Variants in PHF20 observed in about 807,000 individuals in gnomAD.
PHF20 encodes glioma-expressed antigen 2.
In PHF20, 23 loss-of-function variants were observed where a neutral mutation model predicts 113.5. The ratio of observed to expected loss-of-function variants is 0.20; its 90% confidence interval spans 0.15 to 0.29. The LOEUF is 0.29. Among genes scored for constraint, PHF20 ranks in the 10% least tolerant of loss-of-function variants. PHF20 has a pLI of 1.00. For synonymous variants in PHF20, 434 were observed against 457.3 expected, an observed-to-expected ratio of 0.95 and a Z score of 0.65; for missense variants, 943 against 1,219.6, an observed-to-expected ratio of 0.77 and a Z score of 3.38.
intron 1 of PHF20, among the ~76,000 whole-genome samples, chr20:35,785,387 T>G (rs1569116327): frequency 1.3e-5 from 2 of 152,124 alleles, no homozygotes. Flanking sequence ...TGGCACAATC[T>G]TGGCTCACTG....
At position 35,828,950 on chromosome 20, in the gene PHF20, G is replaced by A. The variant is rs994118351; in HGVS notation, c.84-13623G>A. Among the ~76,000 whole-genome samples, 5 of 152,122 alleles carry A rather than the reference G, an allele frequency of 3.3e-5. No individual in the cohort carries two copies. The East Asian group carries it at 9.6e-4, about 29-fold the overall frequency. On this transcript the variant is annotated intron_variant, in intron 2 of 17. Transcript: ENST00000374012. Reference sequence around the variant, plus strand: ...ACAATAAACATTTATTATTCTCTAGGTGTCTATGGGCCAGGAATTCAGGAG... The same window carrying A: ...ACAATAAACATTTATTATTCTCTAGATGTCTATGGGCCAGGAATTCAGGAG...
intron 8 of PHF20, among the ~76,000 whole-genome samples, chr20:35,871,366 C>T (rs2054417825): frequency 6.6e-6 from 1 of 152,142 alleles, no homozygotes. Context: ...CAGTGTTGGC[C>T]TGGAGGTACA....
At chr20:35,872,630 TC>T (rs2054442905) in intron 9 of PHF20, among the ~76,000 whole-genome samples, 1 of 152,238 alleles carries the variant, frequency 6.6e-6, no homozygotes, top group East Asian at 1.9e-4. Flanking sequence ...ATTTAATATA[TC>T]TTGTGATTTA....
intron 2 of PHF20, among the ~76,000 whole-genome samples, chr20:35,813,911 G>T (rs1229692128): frequency 8.3e-6 from 1 of 120,768 alleles, no homozygotes; most frequent in Non-Finnish European, 1.6e-5. Flanking sequence ...CAGCCTGGGT[G>T]ACAGAGTGAG....
At chr20:35,773,489 T>A (rs1450503631) in intron 1 of PHF20, among the ~76,000 whole-genome samples, 3 of 152,168 alleles carry the variant, frequency 2.0e-5, no homozygotes, top group Non-Finnish European at 4.4e-5. Context: ...TGAGCACACT[T>A]CCCAGAGTCA....
At chr20:35,783,680 C>T (rs1247830216) in intron 1 of PHF20, among the ~76,000 whole-genome samples, 1 of 151,974 alleles carries the variant, frequency 6.6e-6, no homozygotes, top group African/African-American at 2.4e-5. Flanking sequence ...CCTGCCTCGG[C>T]CTTCCAAAGT....
intron 2 of PHF20, among the ~76,000 whole-genome samples, chr20:35,835,256 C>T (rs1218458185): frequency 6.6e-6 from 1 of 151,786 alleles, no homozygotes; most frequent in African/African-American, 2.4e-5. Flanking sequence ...GTCTGGGCGA[C>T]AGAGCGAGAT....
intron 9 of PHF20, among the ~76,000 whole-genome samples, chr20:35,880,637 C>T (rs1265013662): frequency 6.6e-6 from 1 of 151,966 alleles, no homozygotes; most frequent in Non-Finnish European, 1.5e-5. Context: ...AGCAATTTAC[C>T]ATATTTACTT....
chr20:35,793,939 A>C (rs2041611675), intron 1 of PHF20, among the ~76,000 whole-genome samples: 1 of 143,282 alleles, frequency 7.0e-6, no homozygotes, highest in Non-Finnish European at 1.5e-5. Flanking sequence ...GAGGTTGCAG[A>C]GAGCCGAGAT....
At chr20:35,904,664 G>A (rs1747906439) in intron 10 of PHF20, among the ~76,000 whole-genome samples, 2 of 152,054 alleles carry the variant, frequency 1.3e-5, no homozygotes, top group African/African-American at 2.4e-5. Flanking sequence ...TTGGGCAGAA[G>A]TAGTAGTTCT....
At chr20:35,927,990 G>A in intron 14 of PHF20, 111 bp downstream of exon 14, 5 of 782,744 alleles carry the variant, frequency 6.4e-6, no homozygotes, top group South Asian at 1.5e-5. Context: ...CTTCAGCATC[G>A]GCTAGACTCC....
chr20:35,921,529 A>G (rs1265928022), intron 13 of PHF20, among the ~76,000 whole-genome samples: 1 of 151,950 alleles, frequency 6.6e-6, no homozygotes. Flanking sequence ...CAAAAAAATT[A>G]AAAAATTAGC....
Position 35,871,088 on chromosome 20 carries a change from G to A in PHF20, c.1056G>A (p.Thr352=), listed in dbSNP as rs757722674. 3.2e-5 allele frequency: 52 copies of A among 1,612,776 alleles called. No individual in the cohort carries two copies. Among genetic ancestry groups the A allele is most frequent in the South Asian group, 1.8e-4 (16 of 90,742 alleles). The change falls in exon 8 of 18, where the codon ACG becomes ACA. Residue 352 remains threonine (T), a synonymous_variant. Coordinates refer to ENST00000374012, the MANE Select transcript of PHF20 (RefSeq NM_016436.5). The stretch of plus-strand genomic sequence containing the variant: ...TGGTTGTATCAGATTTGGTTGATAC[G>A]GATCCTTTGCAAGACACGTTGTCTA... The part of the protein sequence containing the change: ...PDLVVSDLVD[T]DPLQDTLSST...
intron 1 of PHF20, among the ~76,000 whole-genome samples, chr20:35,799,101 G>A (rs2041726346): frequency 6.6e-6 from 1 of 152,040 alleles, no homozygotes; most frequent in South Asian, 2.1e-4. Flanking sequence ...TCTGGTAGGA[G>A]GCAGGCATTG....
chr20:35,871,614 T>G, intron 8 of PHF20, 36 bp from the exon 9 acceptor site: 1 of 1,548,940 alleles, frequency 6.5e-7, no homozygotes, highest in Non-Finnish European at 8.7e-7. Flanking sequence ...ATTACATACA[T>G]GTATATTTCC....
In PHF20 at chr20:35,939,072, C is replaced by A. The variant is rs1394321007; in HGVS notation, c.2676C>A (p.Ser892Arg). 1 of 1,613,182 alleles carries A rather than the reference C, an allele frequency of 6.2e-7. No homozygotes were observed. Among genetic ancestry groups the A allele is most frequent in the Non-Finnish European group, 8.5e-7 (1 of 1,179,386 alleles). Residue 892 changes from serine to arginine, a missense_variant, in exon 16 of 18, where the codon AGC becomes AGA. Transcript: ENST00000374012. ...RLGWPLDQDR[S>R]KGDSDPKPGS... ...GCTGGCCTCTAGACCAAGACAGGAG[C>A]AAGGGGGACAGTGACCCCAAACCCG...
chr20:35,864,407 A>AACACACACACACACACACAC (rs376477234), intron 6 of PHF20, among the ~76,000 whole-genome samples: 26 of 132,520 alleles, frequency 2.0e-4, no homozygotes, highest in Admixed American at 8.0e-5. Flanking sequence ...CCCATCTCAA[A>AACACACACACACACACACAC]ACACACACAC....
At chr20:35,834,623 G>T (rs2042408927) in intron 2 of PHF20, among the ~76,000 whole-genome samples, 1 of 152,078 alleles carries the variant, frequency 6.6e-6, no homozygotes, top group Non-Finnish European at 1.5e-5. Flanking sequence ...GTGGAGAGGA[G>T]TGGGAAATCT....
chr20:35,917,729 C>A, intron 13 of PHF20, 67 bp downstream of exon 13: 2 of 1,383,354 alleles, frequency 1.4e-6, no homozygotes, highest in Non-Finnish European at 2.0e-6. Flanking sequence ...AATTTTGAGG[C>A]CAGCAACAAT....
Sources: gnomAD v4.1 joint callset for allele counts (sites outside exome capture counted in the v4.1 genomes callset) on GRCh38, gnomAD v4.1.1 for gene constraint, MANE v1.5 for transcripts, NCBI Gene and HGNC (gene_info 2026-07-23, HGNC 2026-07-21) for gene names.